The following RMP64 variants were observed in gnomAD, a reference collection of about 807,000 sequenced individuals.
The protein encoded by RMP64 is ribonuclease MRP subunit p64.
At chr3:113,012,002 A>G in the RMP64 span, among the ~76,000 whole-genome samples, 8 of 152,300 alleles carry the variant, frequency 5.3e-5, no homozygotes, top group Admixed American at 3.3e-4. Flanking sequence ...TCTCCATCCA[A>G]TGTTTTCTTA....
chr3:113,013,393 G>A, the RMP64 span: 2 of 1,596,508 alleles, frequency 1.3e-6, no homozygotes, highest in Non-Finnish European at 1.7e-6. Context: ...GTAGTTAAGG[G>A]CTGATTTTCA....
chr3:113,013,404 C>A, the RMP64 span: 5 of 1,561,870 alleles, frequency 3.2e-6, no homozygotes, highest in South Asian at 2.4e-5. Context: ...CTGATTTTCA[C>A]TTGAAAAAAA....
chr3:113,014,495 A>G, the RMP64 span: 4 of 152,928 alleles, frequency 2.6e-5, no homozygotes, highest in Non-Finnish European at 4.4e-5. Flanking sequence ...AGCTGGGACT[A>G]CAGGCACCCG....
At chr3:113,013,291 A>G in the RMP64 span, 1 of 1,613,826 alleles carries the variant, frequency 6.2e-7, no homozygotes, top group Non-Finnish European at 8.5e-7. Context: ...TTGCAGCAGC[A>G]GTCCAACAAG....
the RMP64 span, chr3:113,005,270 A>C: frequency 2.2e-6 from 1 of 454,820 alleles, no homozygotes; most frequent in Non-Finnish European, 4.0e-6. Context: ...CACTCAAGGA[A>C]TTACATCTGC....
At chr3:113,010,224 T>A in the RMP64 span, among the ~76,000 whole-genome samples, 1 of 152,142 alleles carries the variant, frequency 6.6e-6, no homozygotes, top group Non-Finnish European at 1.5e-5. Flanking sequence ...GCATTAAAAC[T>A]AGCACAACCC....
the RMP64 span, chr3:113,014,414 G>T: frequency 3.7e-5 from 6 of 163,978 alleles, no homozygotes; most frequent in South Asian, 8.7e-4. Flanking sequence ...GCAGTGCAGT[G>T]GCGTGATCTC....
the RMP64 span, chr3:113,003,328 C>T: frequency 6.6e-6 from 1 of 152,072 alleles, no homozygotes; most frequent in Non-Finnish European, 1.5e-5. Context: ...GGCAACAGCA[C>T]AAGACTCTGT....
the RMP64 span, chr3:113,019,401 T>TC: frequency 3.0e-6 from 2 of 657,516 alleles, no homozygotes; most frequent in Non-Finnish European, 5.3e-6. Flanking sequence ...CTGGGACCGC[T>TC]CGACCCCTAC....
the RMP64 span, among the ~76,000 whole-genome samples, chr3:113,016,792 T>C: frequency 2.0e-5 from 3 of 152,290 alleles, no homozygotes; most frequent in African/African-American, 7.2e-5. Context: ...ACTTGCAAGG[T>C]AGCCCTGTCA....
chr3:113,017,305 G>A, the RMP64 span: 1 of 564,906 alleles, frequency 1.8e-6, no homozygotes, highest in South Asian at 4.1e-5. Context: ...AAGTGCACAT[G>A]TAACTGTGGG....
the RMP64 span, among the ~76,000 whole-genome samples, chr3:113,012,262 T>C: frequency 6.6e-6 from 1 of 152,210 alleles, no homozygotes; most frequent in Non-Finnish European, 1.5e-5. Context: ...GCATTTATCA[T>C]TGCCATTAAA....
chr3:113,003,909 G>T, the RMP64 span: 1 of 152,184 alleles, frequency 6.6e-6, no homozygotes, highest in Non-Finnish European at 1.5e-5. Flanking sequence ...ATTAAAAGAG[G>T]CTACTTAGGG....
At chr3:113,016,285 C>T in the RMP64 span, among the ~76,000 whole-genome samples, 795 of 152,126 alleles carry the variant, frequency 5.2e-3, 2 homozygotes, top group Middle Eastern at 0.014. Flanking sequence ...TATGCCAGAA[C>T]TTAGGAAAAG....
chr3:113,006,813 G>A, the RMP64 span, among the ~76,000 whole-genome samples: 1 of 152,298 alleles, frequency 6.6e-6, no homozygotes, highest in South Asian at 2.1e-4. Flanking sequence ...AGAGTTGAAA[G>A]GAAAACAGAG....
chr3:113,008,237 G>T, the RMP64 span: 2 of 1,614,066 alleles, frequency 1.2e-6, no homozygotes, highest in Non-Finnish European at 1.7e-6. Context: ...CAGAAAAATG[G>T]CCTGAGCCTT....
At chr3:113,019,589 G>A in the RMP64 span, 11 of 1,613,878 alleles carry the variant, frequency 6.8e-6, no homozygotes, top group Admixed American at 5.0e-5. Flanking sequence ...GCGGTTCCCC[G>A]CCTTAGGGAT....
the RMP64 span, chr3:113,012,904 A>G: frequency 3.7e-6 from 3 of 805,586 alleles, no homozygotes; most frequent in Non-Finnish European, 6.4e-6. Flanking sequence ...GGAAGTAAAG[A>G]GAATTTTCTT....
chr3:113,004,529 ACTTT>A, the RMP64 span: 3 of 152,212 alleles, frequency 2.0e-5, no homozygotes, highest in Non-Finnish European at 2.9e-5. Context: ...CTAAGGTACT[ACTTT>A]CTTTTTCTTT....
Sources: gnomAD v4.1 joint callset for allele counts (sites outside exome capture counted in the v4.1 genomes callset) on GRCh38, gnomAD v4.1.1 for gene constraint, MANE v1.5 for transcripts, NCBI Gene and HGNC (gene_info 2026-07-23, HGNC 2026-07-21) for gene names.